The following TMEM9B variants were observed in gnomAD, a reference collection of about 807,000 sequenced individuals.
TMEM9B encodes transmembrane protein 9B.
In TMEM9B, 8 loss-of-function variants were observed where a neutral mutation model predicts 23.5. The observed-to-expected ratio is 0.34, with a 90% CI of 0.20 to 0.61. The LOEUF (loss-of-function observed/expected upper bound fraction) is 0.61. Ranked by LOEUF, TMEM9B falls within the 20% of genes least tolerant of loss-of-function variation. The probability of loss-of-function intolerance (pLI) is 0.78; values close to 1 mark genes in which losing one functional copy is unlikely to be tolerated. For synonymous variants in TMEM9B, 106 were observed against 96.3 expected (o/e 1.10, Z -0.59); for missense variants, 197 against 252.3 (o/e 0.78, Z 1.49).
intron 1 of TMEM9B, among the ~76,000 whole-genome samples, chr11:8,963,288 T>A (rs923439176): frequency 6.6e-6 from 1 of 152,232 alleles, no homozygotes; most frequent in Non-Finnish European, 1.5e-5. Context: ...GCCTGTAACC[T>A]TTCCCCACTC....
Position 8,948,278 on chromosome 11 carries a change from G to A in TMEM9B, c.*42C>T. 1 of 1,593,942 alleles carries A rather than the reference G, an allele frequency of 6.3e-7. No individual in the cohort carries two copies. Among genetic ancestry groups the A allele is most frequent in the Admixed American group, 1.7e-5 (1 of 57,732 alleles). ...AAAACCCAGTCAGTTCTTTCCAGTTGTCTGCCTGTTTCTTTCTAGTCACCT... is the reference window on the plus strand; with the variant it reads ...AAAACCCAGTCAGTTCTTTCCAGTTATCTGCCTGTTTCTTTCTAGTCACCT... On this transcript the variant is annotated 3_prime_UTR_variant, in exon 5 of 5. Coordinates refer to ENST00000534025, the MANE Select transcript of TMEM9B (RefSeq NM_020644.3).
chr11:8,964,320 G>A lies in TMEM9B; in HGVS notation c.-7C>T. ...CTCCCCACAGGGTCGCCATCGCTGG[G>A]GGCCCAGCGGTCCCACAGCCCGGAG... On this transcript the variant is annotated 5_prime_UTR_variant, in exon 1 of 5. Transcript: ENST00000534025. 3 of 1,561,104 alleles carry A rather than the reference G, an allele frequency of 1.9e-6. No individual in the cohort carries two copies. The highest frequency in any genetic ancestry group is 2.6e-6 in the Non-Finnish European group (3 of 1,153,848).
Position 8,948,163 on chromosome 11 carries a change from GAAAA to G in TMEM9B, c.*153_*156del. ...AATGTCTCTATTATTACGTTAACAA[GAAAA>G]AAAAATCAAGCAAGTTTTTGCTTCC... On this transcript the variant is annotated 3_prime_UTR_variant, in exon 5 of 5. Coordinates refer to ENST00000534025, the MANE Select transcript of TMEM9B (RefSeq NM_020644.3). 1 of 865,276 alleles carries G rather than the reference GAAAA, an allele frequency of 1.2e-6. No individual in the cohort carries two copies. The highest frequency in any genetic ancestry group is 1.9e-5 in the South Asian group (1 of 51,370). 53.6% of individuals were successfully genotyped at this position (865,276 alleles called of 1,614,324 possible).
At chr11:8,949,702 T>C (rs76383189) in intron 4 of TMEM9B, among the ~76,000 whole-genome samples, 3,138 of 152,348 alleles carry the variant, frequency 0.021, 47 homozygotes, top group Middle Eastern at 0.034. Context: ...ATGTCTACAT[T>C]TGAAAGATAT....
chr11:8,959,781 T>C (rs960546297), intron 2 of TMEM9B, among the ~76,000 whole-genome samples: 13 of 152,126 alleles, frequency 8.5e-5, no homozygotes, highest in African/African-American at 2.7e-4. Context: ...TAACACATCA[T>C]TAGCTTTAAA....
At position 8,952,281 on chromosome 11, in the gene TMEM9B, C is replaced by CTATA. The variant is rs58750330; in HGVS notation, c.441+918_441+921dup. ...ACACACACACACACACACACACACG[C>CTATA]TATATATATATATATATAAACATAT... On this transcript the variant is annotated intron_variant, in intron 4 of 4. Transcript: ENST00000534025. 4.8e-3 allele frequency among the ~76,000 whole-genome samples: 701 copies of CTATA among 147,502 alleles called. 6 individuals are homozygous for CTATA. Among genetic ancestry groups the CTATA allele is most frequent in the Admixed American group, 8.7e-3 (129 of 14,884 alleles).
In TMEM9B at chr11:8,953,477, A is replaced by G. The variant is rs1210254043; in HGVS notation, c.307-140T>C. ...AACCAGATAGCAATATAAGAAATAA[A>G]CTCAACTCTTCACCAAAGTATTATT... On this transcript the variant is annotated intron_variant, in intron 3 of 4. Coordinates refer to ENST00000534025, the MANE Select transcript of TMEM9B (RefSeq NM_020644.3). 13 of 842,614 alleles carry G rather than the reference A, an allele frequency of 1.5e-5. No individual in the cohort carries two copies. The Middle Eastern group carries it at 1.8e-3, about 119-fold the overall frequency. 52.2% of individuals were successfully genotyped at this position (842,614 alleles called of 1,614,324 possible). A position where few individuals can be genotyped will look rare whatever the true frequency, so the allele number is the denominator to read the frequency against.
At chr11:8,960,286 C>T (rs951403518) in intron 2 of TMEM9B, among the ~76,000 whole-genome samples, 8 of 151,874 alleles carry the variant, frequency 5.3e-5, no homozygotes, top group Admixed American at 3.9e-4. Flanking sequence ...GAATTACAGG[C>T]GTGTGCCACC....
intron 1 of TMEM9B, among the ~76,000 whole-genome samples, chr11:8,963,344 G>A (rs147353171): frequency 2.4e-3 from 373 of 152,260 alleles, no homozygotes; most frequent in African/African-American, 8.5e-3. Flanking sequence ...TTTTAAAAAC[G>A]CAATGTCATT....
intron 4 of TMEM9B, chr11:8,952,584 T>C (rs1212246452): frequency 6.4e-6 from 1 of 155,502 alleles, no homozygotes; most frequent in Non-Finnish European, 1.4e-5. Flanking sequence ...CTAATGCTTT[T>C]ATTTTTTGTA....
intron 4 of TMEM9B, among the ~76,000 whole-genome samples, chr11:8,950,457 G>A (rs1282427968): frequency 1.3e-5 from 2 of 152,172 alleles, no homozygotes; most frequent in East Asian, 3.8e-4. Context: ...GATCGGCAGA[G>A]GACCTCTCAG....
chr11:8,948,549 C>G, intron 4 of TMEM9B, 74 bp from the exon 5 acceptor site: 1 of 1,516,914 alleles, frequency 6.6e-7, no homozygotes, highest in South Asian at 1.3e-5. Flanking sequence ...CAGTGACCAG[C>G]CCGCCACAGA....
At chr11:8,953,445 C>G (rs1311770884) in intron 3 of TMEM9B, 108 bp from the exon 4 acceptor site, 5 of 1,049,774 alleles carry the variant, frequency 4.8e-6, no homozygotes, top group Non-Finnish European at 6.9e-6. Context: ...TATAGGATTT[C>G]TATACAAACC....
chr11:8,952,247 T>TAC (rs760980883), intron 4 of TMEM9B, among the ~76,000 whole-genome samples: 1,219 of 38,962 alleles, frequency 0.031, 49 homozygotes, highest in Admixed American at 0.25. Context: ...ATGCCAACTA[T>TAC]ATACACACAC....
chr11:8,962,127 C>T lies in TMEM9B; in HGVS notation c.162G>A (p.Gly54=), dbSNP rs1651925822. 6.3e-7 allele frequency: 1 copy of T among 1,599,682 alleles called. No homozygotes were observed. The highest frequency in any genetic ancestry group is 1.8e-5 in the Admixed American group (1 of 56,542). ...GAGATATGTTCTTATTATAAATATGCCCAGAATTTTCTTTATAGGGAGGGC... is the reference window on the plus strand; with the variant it reads ...GAGATATGTTCTTATTATAAATATGTCCAGAATTTTCTTTATAGGGAGGGC... ...CICPPYKENS[G]HIYNKNISQK... Residue 54 remains glycine (G), a synonymous_variant, in exon 2 of 5, where the codon GGG becomes GGA. Transcript: ENST00000534025.
chr11:8,951,758 A>AG (rs1468791997), intron 4 of TMEM9B, among the ~76,000 whole-genome samples: 3 of 122,646 alleles, frequency 2.4e-5, no homozygotes, highest in Admixed American at 7.8e-5. Context: ...ACTGCGTCTC[A>AG]AAAAAAAAAA....
At chr11:8,963,794 C>G (rs976331793) in intron 1 of TMEM9B, among the ~76,000 whole-genome samples, 2 of 151,820 alleles carry the variant, frequency 1.3e-5, no homozygotes, top group African/African-American at 2.4e-5. Flanking sequence ...ATCATTCTGG[C>G]TTGGGGCATG....
chr11:8,963,647 G>A lies in TMEM9B; in HGVS notation c.105+562C>T, dbSNP rs566597024. On this transcript the variant is annotated intron_variant, in intron 1 of 4. Transcript: ENST00000534025. ...TTAGGTGAGAATATGAAGCAGGTGA[G>A]AGATGCTCCGTAGGCCCTATTGGGA... Among the ~76,000 whole-genome samples, 30 of 152,328 alleles carry A rather than the reference G, an allele frequency of 2.0e-4. No individual in the cohort carries two copies. In the South Asian group the frequency reaches 4.1e-3, roughly 21 times the overall value.
chr11:8,960,722 C>T lies in TMEM9B; in HGVS notation c.197+1370G>A, dbSNP rs549092617. Among the ~76,000 whole-genome samples, 10 of 151,570 alleles carry T rather than the reference C, an allele frequency of 6.6e-5. No homozygotes were observed. In the South Asian group the frequency reaches 2.1e-3, roughly 32 times the overall value. On this transcript the variant is annotated intron_variant, in intron 2 of 4. Coordinates refer to ENST00000534025, the MANE Select transcript of TMEM9B (RefSeq NM_020644.3). Reference sequence around the variant, plus strand: ...TTTGAGCTAGGGTCTCGCTCTGTCACCCAGGCTGGAGTGCAGTGGCGCGAT... The same window carrying T: ...TTTGAGCTAGGGTCTCGCTCTGTCATCCAGGCTGGAGTGCAGTGGCGCGAT...
Sources: allele counts gnomAD v4.1 joint callset (sites outside exome capture counted in the v4.1 genomes callset), GRCh38; gene constraint gnomAD v4.1.1; transcripts MANE v1.5; gene names NCBI Gene and HGNC (gene_info 2026-07-23, HGNC 2026-07-21).